Variants in CNTN3 observed in about 807,000 individuals in gnomAD.
CNTN3 encodes contactin-3.
In CNTN3, 60 loss-of-function variants were observed where a neutral mutation model predicts 119.1. That is an observed-to-expected ratio of 0.50 (90% CI 0.41 to 0.62). The LOEUF (loss-of-function observed/expected upper bound fraction) is 0.62, where lower values mean the gene tolerates loss of function less well. Among genes scored for constraint, CNTN3 ranks in the 20% least tolerant of loss-of-function variants. The probability of loss-of-function intolerance (pLI) is 0.00; values close to 1 mark genes in which losing one functional copy is unlikely to be tolerated. For synonymous variants in CNTN3, 450 were observed against 438.7 expected (o/e 1.03, Z -0.32); for missense variants, 1,101 against 1,242.4 (o/e 0.89, Z 1.71).
At chr3:74,485,344 A>G (rs1258159164) in intron 4 of CNTN3, among the ~76,000 whole-genome samples, 2 of 152,132 alleles carry the variant, frequency 1.3e-5, no homozygotes, top group African/African-American at 4.8e-5. Context: ...AACTAGTTGT[A>G]TAATATAAAC....
At chr3:74,381,021 A>T (rs974956021) in intron 5 of CNTN3, among the ~76,000 whole-genome samples, 2 of 151,980 alleles carry the variant, frequency 1.3e-5, no homozygotes, top group African/African-American at 4.8e-5. Flanking sequence ...TACCAGGGAC[A>T]ATGAACGACT....
intron 11 of CNTN3, among the ~76,000 whole-genome samples, chr3:74,338,775 G>A (rs994067555): frequency 1.3e-5 from 2 of 151,998 alleles, no homozygotes; most frequent in African/African-American, 4.8e-5. Flanking sequence ...AAATAAAAAG[G>A]TTTGAGAGCA....
chr3:74,390,709 T>C (rs1704876314), intron 5 of CNTN3, among the ~76,000 whole-genome samples: 1 of 152,156 alleles, frequency 6.6e-6, no homozygotes. Context: ...CACCCACCCA[T>C]ATGTTCTTCA....
Position 74,516,205 on chromosome 3 carries a change from A to G in CNTN3, c.55+4853T>C, listed in dbSNP as rs565561107. Among the ~76,000 whole-genome samples the G allele has an allele frequency of 1.1e-4, 16 of 144,346 alleles. No homozygotes were observed. The South Asian group carries it at 3.3e-3, about 30-fold the overall frequency. The allele number at this position is 144,346 out of a possible 152,430, so 94.7% of individuals were successfully genotyped here. On this transcript the variant is annotated intron_variant, in intron 2 of 22. Coordinates refer to ENST00000263665, the MANE Select transcript of CNTN3 (RefSeq NM_020872.3). ...TCACTGTGCCATCTACAACATGGGC[A>G]GGCCTGGAATGCACACAGATATGCA...
chr3:74,271,138 A>T (rs1055940091), intron 20 of CNTN3, among the ~76,000 whole-genome samples: 1 of 152,210 alleles, frequency 6.6e-6, no homozygotes, highest in African/African-American at 2.4e-5. Context: ...AGTGATTACT[A>T]TCATATAACC....
intron 13 of CNTN3, among the ~76,000 whole-genome samples, chr3:74,333,344 G>A (rs1703312023): frequency 6.6e-6 from 1 of 152,208 alleles, no homozygotes; most frequent in Non-Finnish European, 1.5e-5. Flanking sequence ...CTGATGGCTG[G>A]AAGTCTGAAA....
At chr3:74,319,782 A>G (rs1343864352) in intron 13 of CNTN3, among the ~76,000 whole-genome samples, 1 of 151,708 alleles carries the variant, frequency 6.6e-6, no homozygotes, top group African/African-American at 2.4e-5. Context: ...CAAAGGGCTA[A>G]TATCCAGAAT....
intron 5 of CNTN3, among the ~76,000 whole-genome samples, chr3:74,381,105 C>T (rs1452284338): frequency 6.6e-6 from 1 of 150,670 alleles, no homozygotes; most frequent in Admixed American, 6.6e-5. Flanking sequence ...CACACACGCA[C>T]ACATAAACAC....
At chr3:74,594,928 T>A (rs1424725576) in intron 1 of CNTN3, among the ~76,000 whole-genome samples, 2 of 152,088 alleles carry the variant, frequency 1.3e-5, no homozygotes, top group Non-Finnish European at 2.9e-5. Context: ...GTCAAAGTGT[T>A]CCTATTTCTC....
intron 13 of CNTN3, among the ~76,000 whole-genome samples, chr3:74,310,803 G>A (rs1702667849): frequency 6.6e-6 from 1 of 152,180 alleles, no homozygotes; most frequent in African/African-American, 2.4e-5. Context: ...AGAGCATGTT[G>A]GATAAGATAT....
chr3:74,380,320 C>T (rs1474718032), intron 5 of CNTN3, among the ~76,000 whole-genome samples: 1 of 152,196 alleles, frequency 6.6e-6, no homozygotes, highest in Non-Finnish European at 1.5e-5. Flanking sequence ...ACGCTTGATA[C>T]AATGTGCATT....
At chr3:74,298,854 G>A (rs1386270096) in intron 17 of CNTN3, among the ~76,000 whole-genome samples, 4 of 142,922 alleles carry the variant, frequency 2.8e-5, no homozygotes, top group East Asian at 2.0e-4. Context: ...CCGATATCAC[G>A]CCACTCCTGG....
At chr3:74,522,784 A>G (rs78799564) in intron 1 of CNTN3, among the ~76,000 whole-genome samples, 79 of 130,516 alleles carry the variant, frequency 6.1e-4, no homozygotes, top group African/African-American at 2.8e-3. Context: ...TGGAAAAAGG[A>G]AAAAAAAAAG....
chr3:74,295,239 G>T lies in CNTN3; in HGVS notation c.2402-3C>A, dbSNP rs756806689. ...TTGAGATGGGGCCACTGTAGGCTCT[G>T]TTCGGAAACAGAAATTGAAATATGA... On this transcript the variant is annotated splice_polypyrimidine_tract_variant and splice_region_variant and intron_variant, in intron 18 of 22. Transcript: ENST00000263665. The T allele has an allele frequency of 4.0e-6, 6 of 1,515,208 alleles. No individual in the cohort carries two copies. The highest frequency in any genetic ancestry group is 5.5e-6 in the Non-Finnish European group (6 of 1,099,168). The allele number at this position is 1,515,208 out of a possible 1,614,324, so 93.9% of individuals were successfully genotyped here.
rs572123822 is a variant in CNTN3, at chr3:74,432,140, T to C, written c.359-7200A>G. Among the ~76,000 whole-genome samples the C allele has an allele frequency of 8.5e-5, 13 of 152,306 alleles. No homozygotes were observed. In the South Asian group the frequency reaches 2.5e-3, roughly 29 times the overall value. On this transcript the variant is annotated intron_variant, in intron 4 of 22. Transcript: ENST00000263665. ...TACATGAACAGTGTAAATGACAAGA[T>C]TGCCTTTGAAAGAATCAGGTCGCTG...
intron 2 of CNTN3, among the ~76,000 whole-genome samples, chr3:74,519,388 A>G (rs1306080610): frequency 6.6e-6 from 1 of 151,798 alleles, no homozygotes; most frequent in Non-Finnish European, 1.5e-5. Context: ...AATATGTAAA[A>G]CATTTCTCAA....
At chr3:74,304,271 C>T (rs1702516003) in intron 13 of CNTN3, among the ~76,000 whole-genome samples, 1 of 152,174 alleles carries the variant, frequency 6.6e-6, no homozygotes, top group South Asian at 2.1e-4. Flanking sequence ...GTTTTACTTT[C>T]ATCAAGTTAA....
At position 74,297,946 on chromosome 3, in the gene CNTN3, G is replaced by A. The variant is rs1451383069; in HGVS notation, c.2401+11C>T. On this transcript the variant is annotated intron_variant, in intron 18 of 22. Transcript: ENST00000263665. ...TTAGGCGGAACTGATATACAGTCATGTTTTCCATACCTTCTTCTGCAGAGA... is the reference window on the plus strand; with the variant it reads ...TTAGGCGGAACTGATATACAGTCATATTTTCCATACCTTCTTCTGCAGAGA... 5.0e-6 allele frequency: 8 copies of A among 1,598,966 alleles called. No individual in the cohort carries two copies. The highest frequency in any genetic ancestry group is 5.1e-6 in the Non-Finnish European group (6 of 1,167,476).
At chr3:74,294,385 A>T (rs1702293745) in intron 19 of CNTN3, among the ~76,000 whole-genome samples, 1 of 152,052 alleles carries the variant, frequency 6.6e-6, no homozygotes, top group African/African-American at 2.4e-5. Context: ...TCCCATGCCT[A>T]TTTGAAGTCA....
Sources: allele counts gnomAD v4.1 joint callset (sites outside exome capture counted in the v4.1 genomes callset), GRCh38; gene constraint gnomAD v4.1.1; transcripts MANE v1.5; gene names NCBI Gene and HGNC (gene_info 2026-07-23, HGNC 2026-07-21).